Variants in LRRC28 observed in about 807,000 individuals in gnomAD.
LRRC28 encodes leucine rich repeat containing 28, also known as leucine-rich repeat-containing protein 28.
In LRRC28, 39 loss-of-function variants were observed where a neutral mutation model predicts 45.7. The observed-to-expected ratio is 0.85, with a 90% CI of 0.66 to 1.12. The LOEUF (loss-of-function observed/expected upper bound fraction) is 1.12. Among genes scored for constraint, LRRC28 ranks in the 50% most tolerant of loss-of-function variants. The pLI is 0.00. For synonymous variants in LRRC28, 206 were observed against 178.8 expected, an observed-to-expected ratio of 1.15 and a Z score of -1.22; for missense variants, 435 against 438.5, an observed-to-expected ratio of 0.99 and a Z score of 0.07.
At chr15:99,322,952 G>A (rs370448221) in intron 5 of LRRC28, among the ~76,000 whole-genome samples, 77 of 152,292 alleles carry the variant, frequency 5.1e-4, no homozygotes, top group African/African-American at 1.8e-3. Context: ...TGACCACTTT[G>A]TTGATGCTGC....
chr15:99,361,576 C>T (rs1006479224), intron 8 of LRRC28, 65 bp downstream of exon 8: 2 of 1,457,054 alleles, frequency 1.4e-6, no homozygotes, highest in Non-Finnish European at 1.8e-6. Flanking sequence ...CTTGGTGCAC[C>T]TGTTTTGGCG....
intron 6 of LRRC28, among the ~76,000 whole-genome samples, chr15:99,339,148 A>G (rs1296601857): frequency 6.6e-6 from 1 of 152,206 alleles, no homozygotes; most frequent in Non-Finnish European, 1.5e-5. Context: ...AGATATAAAG[A>G]AAATGATTTT....
intron 2 of LRRC28, among the ~76,000 whole-genome samples, chr15:99,260,183 AT>A (rs570311108): frequency 3.9e-5 from 6 of 152,044 alleles, no homozygotes; most frequent in South Asian, 4.2e-4. Context: ...TTTTTAGTTG[AT>A]TTTTTTTAAA....
intron 6 of LRRC28, among the ~76,000 whole-genome samples, 190 bp downstream of exon 6, chr15:99,334,319 A>G (rs1031009074): frequency 4.6e-5 from 7 of 152,128 alleles, no homozygotes; most frequent in Admixed American, 1.3e-4. Flanking sequence ...GAGGGATTTT[A>G]TACTTTAAAA....
At chr15:99,311,659 C>T (rs1035273301) in intron 5 of LRRC28, among the ~76,000 whole-genome samples, 1 of 152,108 alleles carries the variant, frequency 6.6e-6, no homozygotes, top group Admixed American at 6.5e-5. Flanking sequence ...CCTGCAAGTT[C>T]AGAATGATTT....
intron 5 of LRRC28, among the ~76,000 whole-genome samples, chr15:99,288,556 A>G (rs1174953040): frequency 6.6e-6 from 1 of 151,368 alleles, no homozygotes; most frequent in Non-Finnish European, 1.5e-5. Context: ...TAATTTTTGT[A>G]TTTTTGGTAG....
intron 5 of LRRC28, among the ~76,000 whole-genome samples, chr15:99,292,522 G>A (rs569632764): frequency 3.0e-4 from 45 of 151,446 alleles, no homozygotes; most frequent in Admixed American, 5.9e-4. Context: ...CCGCCACCGC[G>A]CCCGGCTAAT....
intron 9 of LRRC28, among the ~76,000 whole-genome samples, chr15:99,366,275 C>G (rs1267942317): frequency 6.6e-6 from 1 of 152,150 alleles, no homozygotes; most frequent in African/African-American, 2.4e-5. Context: ...ACCATCTTCT[C>G]CCTTCGTCTC....
intron 5 of LRRC28, among the ~76,000 whole-genome samples, chr15:99,288,931 C>T (rs2082036511): frequency 6.6e-6 from 1 of 152,024 alleles, no homozygotes; most frequent in African/African-American, 2.4e-5. Flanking sequence ...CCACCTGCCT[C>T]AGCCTCCCAA....
chr15:99,276,646 A>G (rs2081624823), intron 3 of LRRC28, 30 bp downstream of exon 3: 2 of 1,476,232 alleles, frequency 1.4e-6, no homozygotes, highest in South Asian at 1.4e-5. Context: ...TTTTTTAAAG[A>G]CAAGAATGAA....
rs371840271 is a variant in LRRC28, at chr15:99,347,232, T to C, written c.593-5137T>C. On this transcript the variant is annotated intron_variant, in intron 6 of 9. Transcript: ENST00000301981. ...TTTTTTTTTTTTGTCTTTTTTTAGA[T>C]GGAGTCTCCCTCTGTCACCCAGGCT... is the stretch of plus-strand genomic sequence containing the variant. Among the ~76,000 whole-genome samples the C allele has an allele frequency of 1.5e-3, 225 of 151,766 alleles. 2 individuals are homozygous for C. The South Asian group carries it at 0.02, about 14-fold the overall frequency.
chr15:99,258,532 A>T, intron 2 of LRRC28: 1 of 746,926 alleles, frequency 1.3e-6, no homozygotes, highest in Non-Finnish European at 2.5e-6. Flanking sequence ...GAGAAAGAAG[A>T]ATCTTATGAT....
Position 99,334,086 on chromosome 15 carries a change from T to G in LRRC28, c.549T>G (p.Asn183Lys), listed in dbSNP as rs759783542. 2 of 1,614,174 alleles carry G rather than the reference T, an allele frequency of 1.2e-6. No homozygotes were observed. Among genetic ancestry groups the G allele is most frequent in the Non-Finnish European group, 1.7e-6 (2 of 1,180,000 alleles). ...ATCTCTGCCAGCTGCCCAGCCTCAA[T>G]GAGCTCTCCATGGCTGGAAACCGTC... is the stretch of plus-strand genomic sequence containing the variant. ...PRHLCQLPSL[N>K]ELSMAGNRLA... The change falls in exon 6 of 10, where the codon AAT (asparagine) becomes AAG (lysine). Residue 183 changes from asparagine to lysine, a missense_variant. Transcript: ENST00000301981.
chr15:99,353,643 A>G (rs969931090), intron 7 of LRRC28: 11 of 152,240 alleles, frequency 7.2e-5, no homozygotes, highest in African/African-American at 2.4e-4. Context: ...GATCATTAAT[A>G]TAGCCTAATT....
At chr15:99,320,107 G>A (rs954057810) in intron 5 of LRRC28, among the ~76,000 whole-genome samples, 1 of 151,954 alleles carries the variant, frequency 6.6e-6, no homozygotes, top group Non-Finnish European at 1.5e-5. Flanking sequence ...GTGCCCAGCC[G>A]GGAGCATTTT....
Position 99,261,170 on chromosome 15 carries a change from A to G in LRRC28, c.168+5045A>G, listed in dbSNP as rs149212904. ...AACTTGGTGAATGCTCATGTTTAGAACTAAAGCACAAGAAAAAGCCTTTTA... is the reference window on the plus strand; with the variant it reads ...AACTTGGTGAATGCTCATGTTTAGAGCTAAAGCACAAGAAAAAGCCTTTTA... On this transcript the variant is annotated intron_variant, in intron 2 of 9. Coordinates refer to ENST00000301981, the MANE Select transcript of LRRC28 (RefSeq NM_144598.5). Among the ~76,000 whole-genome samples the G allele has an allele frequency of 6.3e-3, 964 of 152,374 alleles. 14 individuals are homozygous for G. The highest frequency in any genetic ancestry group is 0.022 in the African/African-American group (904 of 41,584).
At chr15:99,302,635 A>G (rs62023802) in intron 5 of LRRC28, among the ~76,000 whole-genome samples, 8,292 of 152,288 alleles carry the variant, frequency 0.054, 294 homozygotes, top group East Asian at 0.11. Context: ...ACTTTATTCA[A>G]TGTCCACAGT....
At chr15:99,385,720 C>T (rs937475104) in intron 9 of LRRC28, among the ~76,000 whole-genome samples, 15 of 149,034 alleles carry the variant, frequency 1.0e-4, no homozygotes, top group South Asian at 2.1e-4. Context: ...AAGCAGAGTT[C>T]GAAACGTAAT....
At chr15:99,306,150 A>G (rs894235978) in intron 5 of LRRC28, among the ~76,000 whole-genome samples, 1 of 152,154 alleles carries the variant, frequency 6.6e-6, no homozygotes, top group African/African-American at 2.4e-5. Flanking sequence ...TTTTAGGGAG[A>G]CTTGCAGGCT....
Sources: gnomAD v4.1 joint callset for allele counts (sites outside exome capture counted in the v4.1 genomes callset) on GRCh38, gnomAD v4.1.1 for gene constraint, MANE v1.5 for transcripts, NCBI Gene and HGNC (gene_info 2026-07-23, HGNC 2026-07-21) for gene names.